The following WDR27 variants were observed in gnomAD, a reference collection of about 807,000 sequenced individuals.
WDR27 encodes WD repeat-containing protein 27.
WDR27 carries 100 observed loss-of-function variants against 114.4 expected under a neutral mutation model. The observed-to-expected ratio is 0.87, with a 90% CI of 0.74 to 1.03. WDR27 has a LOEUF of 1.03. Among genes scored for constraint, WDR27 ranks in the 50% least tolerant of loss-of-function variants. The probability of loss-of-function intolerance (pLI) is 0.00; values close to 1 mark genes in which losing one functional copy is unlikely to be tolerated. For synonymous variants in WDR27, 449 were observed against 423.1 expected, an observed-to-expected ratio of 1.06 and a Z score of -0.75; for missense variants, 1,129 against 1,092.9, an observed-to-expected ratio of 1.03 and a Z score of -0.47.
Position 169,659,394 on chromosome 6 carries a change from AAAG to A in WDR27, c.1197+54_1197+56del, listed in dbSNP as rs1478468729. On this transcript the variant is annotated intron_variant, in intron 11 of 25. Transcript: ENST00000448612. The surrounding 1 kb of genome is among the most constrained non-coding windows in gnomAD (Gnocchi z 4.3). ...CAGTCGTTACAGGATCACTCTGAAG[AAAG>A]AAGAAATCAGAGGCACGTCTCATAG... 1.3e-6 allele frequency: 2 copies of A among 1,593,684 alleles called. No homozygotes were observed. The highest frequency in any genetic ancestry group is 2.7e-5 in the African/African-American group (2 of 74,504).
intron 10 of WDR27, among the ~76,000 whole-genome samples, chr6:169,660,237 A>G (rs7744868): frequency 0.39 from 58,956 of 150,882 alleles, 15,599 homozygotes; most frequent in East Asian, 0.86. Flanking sequence ...ACATTTCTGG[A>G]GCTGGCAGAA....
chr6:169,655,459 T>C (rs1288320709), intron 13 of WDR27, among the ~76,000 whole-genome samples: 2 of 152,172 alleles, frequency 1.3e-5, no homozygotes, highest in African/African-American at 4.8e-5. Context: ...CGTGGGTACA[T>C]AAACCGCAGT....
intron 25 of WDR27, among the ~76,000 whole-genome samples, chr6:169,513,694 ATAAG>A (rs1347104479): frequency 6.6e-6 from 1 of 152,166 alleles, no homozygotes; most frequent in African/African-American, 2.4e-5. Flanking sequence ...GTGTTTATTT[ATAAG>A]TAATTACTTA....
chr6:169,574,956 AGAG>A (rs1361431919), intron 24 of WDR27, among the ~76,000 whole-genome samples: 1 of 152,190 alleles, frequency 6.6e-6, no homozygotes, highest in African/African-American at 2.4e-5. Flanking sequence ...ACAGAAAGGC[AGAG>A]GAGGGGACTT....
intron 25 of WDR27, among the ~76,000 whole-genome samples, chr6:169,528,673 T>C (rs1795225666): frequency 6.6e-6 from 1 of 152,196 alleles, no homozygotes; most frequent in Non-Finnish European, 1.5e-5. Flanking sequence ...ATTACAGGCA[T>C]GGGCCAACAG....
At chr6:169,444,669 G>GT in the WDR27 span, among the ~76,000 whole-genome samples, 6,991 of 138,578 alleles carry the variant, frequency 0.05, 233 homozygotes, top group African/African-American at 0.091. Flanking sequence ...CTGTTTTTTT[G>GT]TTTTTTTTTT....
downstream of WDR27, among the ~76,000 whole-genome samples, chr6:169,453,708 G>C (rs775951714): frequency 6.6e-6 from 1 of 152,118 alleles, no homozygotes; most frequent in Non-Finnish European, 1.5e-5. Context: ...ACAAAAATAG[G>C]CATTAAATTG....
At chr6:169,677,223 G>C (rs1377020878) in intron 2 of WDR27, among the ~76,000 whole-genome samples, 6 of 152,226 alleles carry the variant, frequency 3.9e-5, no homozygotes, top group Non-Finnish European at 7.3e-5. Flanking sequence ...TAGTGGTAAA[G>C]ACAGTGAAGT....
intron 2 of WDR27, among the ~76,000 whole-genome samples, chr6:169,681,260 C>A (rs1330089318): frequency 6.6e-6 from 1 of 152,148 alleles, no homozygotes; most frequent in Non-Finnish European, 1.5e-5. Flanking sequence ...GTGAAGAAAG[C>A]CAGACAAAAT....
rs1800515553 is a variant in WDR27 at position 169,566,446 on chromosome 6, C to G, written c.2645+5973G>C. 1.3e-5 allele frequency among the ~76,000 whole-genome samples: 2 copies of G among 152,294 alleles called. 1 individual carries two copies. Among genetic ancestry groups the G allele is most frequent in the South Asian group, 4.1e-4 (2 of 4,820 alleles). ...AGAGTGGCCACTGTCCCGGGGGCCTCGAAGAGACTCTCAAACCACGTCACG... is the reference window on the plus strand; with the variant it reads ...AGAGTGGCCACTGTCCCGGGGGCCTGGAAGAGACTCTCAAACCACGTCACG... On this transcript the variant is annotated intron_variant, in intron 25 of 25. Transcript: ENST00000448612.
chr6:169,630,661 C>A (rs555953423), intron 21 of WDR27, among the ~76,000 whole-genome samples: 2 of 152,180 alleles, frequency 1.3e-5, no homozygotes, highest in African/African-American at 4.8e-5. Flanking sequence ...TTTGGGAGGC[C>A]GAGGCGGGCG....
In WDR27 at chr6:169,475,594, AT is replaced by A. The variant is rs547599933; in HGVS notation, c.2646-17961del. On this transcript the variant is annotated intron_variant, in intron 25 of 25. Coordinates refer to ENST00000448612, the MANE Select transcript of WDR27 (RefSeq NM_182552.5). ...CATATATTTAAATAGAAATCGTTTT[AT>A]TTTTCACAATGGAGAGAGCCAGTTT... Among the ~76,000 whole-genome samples, 393 of 152,282 alleles carry A rather than the reference AT, an allele frequency of 2.6e-3. 1 individual carries two copies. The highest frequency in any genetic ancestry group is 4.2e-3 in the Non-Finnish European group (284 of 68,036).
chr6:169,625,426 T>A (rs1475037668), intron 21 of WDR27, among the ~76,000 whole-genome samples: 1 of 152,146 alleles, frequency 6.6e-6, no homozygotes, highest in African/African-American at 2.4e-5. Flanking sequence ...GGAGGCCTCC[T>A]GGGGTGGTGG....
At position 169,688,099 on chromosome 6, in the gene WDR27, T is replaced by C. The variant is rs543268053; in HGVS notation, c.189+718A>G. Among the ~76,000 whole-genome samples, 4 of 152,234 alleles carry C rather than the reference T, an allele frequency of 2.6e-5. No individual in the cohort carries two copies. In the South Asian group the frequency reaches 6.2e-4, roughly 24 times the overall value. ...AAAAAGGATAAAGTGTCTATTTACA[T>C]AAGTAGAATGTAATTCTACTTATTA... On this transcript the variant is annotated intron_variant, in intron 2 of 25. Transcript: ENST00000448612.
intron 25 of WDR27, among the ~76,000 whole-genome samples, chr6:169,496,831 T>C (rs576094663): frequency 8.5e-5 from 13 of 152,234 alleles, no homozygotes; most frequent in East Asian, 5.8e-4. Flanking sequence ...TGTTCATGGA[T>C]TGGAACACAA....
chr6:169,485,806 C>A (rs1008216199), intron 25 of WDR27, among the ~76,000 whole-genome samples: 2 of 152,176 alleles, frequency 1.3e-5, no homozygotes, highest in Admixed American at 6.5e-5. Flanking sequence ...GGGACATATA[C>A]GCCACAGAAC....
intron 25 of WDR27, among the ~76,000 whole-genome samples, chr6:169,480,574 T>C (rs895699811): frequency 1.3e-5 from 2 of 152,224 alleles, no homozygotes; most frequent in Admixed American, 6.5e-5. Flanking sequence ...ATCAGCACTC[T>C]GTGTCTAGCT....
At chr6:169,669,249 A>G (rs919106401) in intron 4 of WDR27, among the ~76,000 whole-genome samples, 1 of 152,264 alleles carries the variant, frequency 6.6e-6, no homozygotes, top group African/African-American at 2.4e-5. Context: ...GAATGTGAGC[A>G]CTTCACGGAC....
intron 25 of WDR27, among the ~76,000 whole-genome samples, chr6:169,493,118 T>A (rs1011287804): frequency 1.3e-5 from 2 of 151,962 alleles, no homozygotes; most frequent in African/African-American, 4.8e-5. Context: ...GTTATAAAAT[T>A]GGATTAAAAT....
Sources: gnomAD v4.1 joint callset for allele counts (sites outside exome capture counted in the v4.1 genomes callset) on GRCh38, gnomAD v4.1.1 for gene constraint, Gnocchi (gnomAD v3.1) non-coding constraint, MANE v1.5 for transcripts, NCBI Gene and HGNC (gene_info 2026-07-23, HGNC 2026-07-21) for gene names.